Variants in PDE1C observed in about 807,000 individuals in gnomAD.
The protein encoded by PDE1C is phosphodiesterase 1C.
PDE1C carries 62 observed loss-of-function variants against 93.1 expected under a neutral mutation model. That is an observed-to-expected ratio of 0.67 (90% CI 0.54 to 0.82). The LOEUF (loss-of-function observed/expected upper bound fraction) is 0.82. Among genes scored for constraint, PDE1C ranks in the 40% least tolerant of loss-of-function variants. PDE1C has a pLI of 0.00. For missense variants in PDE1C, 742 were observed against 884.6 expected, an observed-to-expected ratio of 0.84 and a Z score of 2.04; for synonymous variants, 325 against 310.1, an observed-to-expected ratio of 1.05 and a Z score of -0.50.
chr7:32,401,768 G>A (rs1424432808), intron 1 of PDE1C, among the ~76,000 whole-genome samples: 1 of 152,142 alleles, frequency 6.6e-6, no homozygotes, highest in Non-Finnish European at 1.5e-5. Context: ...AGGCTCCTGA[G>A]CTGAGCAAAC....
At chr7:32,225,715 G>T (rs954534339) in intron 1 of PDE1C, among the ~76,000 whole-genome samples, 2 of 152,202 alleles carry the variant, frequency 1.3e-5, no homozygotes, top group African/African-American at 4.8e-5. Flanking sequence ...AATGGAAAGT[G>T]ATTTTTCTAT....
At chr7:31,929,806 A>G (rs962823326) in intron 2 of PDE1C, among the ~76,000 whole-genome samples, 4 of 152,266 alleles carry the variant, frequency 2.6e-5, no homozygotes, top group African/African-American at 9.6e-5. Context: ...GAAAATTTAT[A>G]GCACTAAATG....
At chr7:31,953,932 C>T (rs1049012970) in intron 2 of PDE1C, among the ~76,000 whole-genome samples, 5 of 152,142 alleles carry the variant, frequency 3.3e-5, no homozygotes, top group Non-Finnish European at 4.4e-5. Context: ...ATAATTTAAA[C>T]CGTGATGATT....
At chr7:31,697,126 G>C in the PDE1C span, 8 of 1,613,354 alleles carry the variant, frequency 5.0e-6, no homozygotes, top group African/African-American at 1.3e-5. Flanking sequence ...AGGTAAAAAA[G>C]CTGGTGCAGG....
intron 1 of PDE1C, among the ~76,000 whole-genome samples, chr7:32,411,892 T>C (rs1785178499): frequency 8.9e-6 from 1 of 112,470 alleles, no homozygotes; most frequent in African/African-American, 6.2e-5. Context: ...AATATTTTAA[T>C]TTTTTTTTTA....
chr7:32,165,650 G>A (rs1299084240), intron 3 of PDE1C, among the ~76,000 whole-genome samples: 2 of 151,988 alleles, frequency 1.3e-5, no homozygotes, highest in African/African-American at 2.4e-5. Context: ...CAGCATGGGG[G>A]AAATGCCCCC....
chr7:32,244,258 G>A (rs761327363), intron 1 of PDE1C, among the ~76,000 whole-genome samples: 14 of 152,322 alleles, frequency 9.2e-5, no homozygotes, highest in Non-Finnish European at 1.8e-4. Context: ...AGTTGGGGAT[G>A]TAGTTGTTGG....
chr7:31,792,934 C>A (rs2058408), intron 16 of PDE1C, among the ~76,000 whole-genome samples: 1 of 151,784 alleles, frequency 6.6e-6, no homozygotes, highest in African/African-American at 2.4e-5. Flanking sequence ...ATTCAGGAAA[C>A]TATTTAAGTG....
chr7:32,330,674 G>A (rs1168746694), intron 1 of PDE1C, among the ~76,000 whole-genome samples: 1 of 152,132 alleles, frequency 6.6e-6, no homozygotes, highest in Non-Finnish European at 1.5e-5. Context: ...AGCTGGCCAA[G>A]GCCTGTTCCC....
chr7:32,384,548 GAC>G (rs1784591041), intron 1 of PDE1C, among the ~76,000 whole-genome samples: 1 of 152,130 alleles, frequency 6.6e-6, no homozygotes, highest in Non-Finnish European at 1.5e-5. Flanking sequence ...CCTTGGGTAA[GAC>G]ACAGAGTTCA....
the PDE1C span, chr7:31,707,087 T>C: frequency 1.1e-4 from 98 of 871,548 alleles, 1 homozygote; most frequent in African/African-American, 1.5e-3. Flanking sequence ...GCAGGTAACC[T>C]TGTAGACACT....
At chr7:31,982,170 C>T (rs970326079) in intron 2 of PDE1C, among the ~76,000 whole-genome samples, 2 of 152,204 alleles carry the variant, frequency 1.3e-5, no homozygotes, top group African/African-American at 2.4e-5. Context: ...ACCCAGGAAT[C>T]GTTCTCAACT....
At chr7:32,250,001 TAC>T (rs1213193785) in intron 1 of PDE1C, among the ~76,000 whole-genome samples, 4 of 152,218 alleles carry the variant, frequency 2.6e-5, no homozygotes, top group Non-Finnish European at 4.4e-5. Context: ...ATTCAGGATA[TAC>T]AGTTAACTTT....
At chr7:32,055,388 C>T (rs965538974) in intron 1 of PDE1C, among the ~76,000 whole-genome samples, 11 of 152,044 alleles carry the variant, frequency 7.2e-5, no homozygotes, top group Non-Finnish European at 1.3e-4. Context: ...AGAGGTTCTA[C>T]CTACTTTCGA....
chr7:32,161,734 G>A (rs916503144), intron 3 of PDE1C, among the ~76,000 whole-genome samples: 1 of 152,180 alleles, frequency 6.6e-6, no homozygotes, highest in African/African-American at 2.4e-5. Context: ...CATTGGCAGG[G>A]TGAGTTAGGT....
chr7:31,852,145 T>C (rs543779552), intron 7 of PDE1C, among the ~76,000 whole-genome samples: 3 of 152,322 alleles, frequency 2.0e-5, no homozygotes, highest in African/African-American at 7.2e-5. Flanking sequence ...TAACTACTAA[T>C]TTTGGAGAAT....
intron 2 of PDE1C, among the ~76,000 whole-genome samples, chr7:32,187,396 C>G (rs764781119): frequency 7.2e-5 from 11 of 152,104 alleles, no homozygotes; most frequent in East Asian, 1.9e-4. Flanking sequence ...TCCTATGTGT[C>G]TGAGGTGATG....
intron 1 of PDE1C, among the ~76,000 whole-genome samples, chr7:32,227,617 C>A (rs1807389796): frequency 6.6e-6 from 1 of 152,148 alleles, no homozygotes; most frequent in African/African-American, 2.4e-5. Flanking sequence ...TGACATCTGC[C>A]TCTAAGATGG....
At chr7:31,818,484 A>T (rs1475695866) in intron 14 of PDE1C, among the ~76,000 whole-genome samples, 1 of 152,202 alleles carries the variant, frequency 6.6e-6, no homozygotes, top group Non-Finnish European at 1.5e-5. Flanking sequence ...TTGTTGACTA[A>T]ATGAAATGTA....
Sources: allele counts gnomAD v4.1 joint callset (sites outside exome capture counted in the v4.1 genomes callset), GRCh38; gene constraint gnomAD v4.1.1; transcripts MANE v1.5; gene names NCBI Gene and HGNC (gene_info 2026-07-23, HGNC 2026-07-21).